The following SAMD5 variants were observed in gnomAD, a reference collection of about 807,000 sequenced individuals.
SAMD5 encodes sterile alpha motif domain-containing protein 5.
A neutral mutation model predicts 11.3 loss-of-function variants in SAMD5; 13 were observed. The observed-to-expected ratio is 1.15, with a 90% CI of 0.75 to 1.83. The LOEUF is 1.83. SAMD5 is among the 40% of genes most tolerant of loss of function. The pLI is 0.00. For missense variants in SAMD5, 255 were observed against 239.1 expected (o/e 1.07, Z -0.44); for synonymous variants, 129 against 111.3 (o/e 1.16, Z -1.00).
chr6:147,742,114 TA>T (rs111664672), downstream of SAMD5, among the ~76,000 whole-genome samples: 4,978 of 152,224 alleles, frequency 0.033, 106 homozygotes, highest in African/African-American at 0.053. Flanking sequence ...AATATCCTTT[TA>T]AAAAAATATG....
chr6:147,867,066 G>T, the SAMD5 span, among the ~76,000 whole-genome samples: 1 of 152,090 alleles, frequency 6.6e-6, no homozygotes, highest in African/African-American at 2.4e-5. Context: ...AAAATTTTCC[G>T]AATATTAATC....
the SAMD5 span, among the ~76,000 whole-genome samples, chr6:147,879,063 C>T: frequency 7.9e-5 from 12 of 152,262 alleles, no homozygotes; most frequent in East Asian, 1.5e-3. Context: ...ATCCTCACTG[C>T]GATACCTGAT....
chr6:147,641,079 T>C (rs1376893927), intron 1 of SAMD5, among the ~76,000 whole-genome samples: 1 of 152,196 alleles, frequency 6.6e-6, no homozygotes, highest in Non-Finnish European at 1.5e-5. Flanking sequence ...GGTTGGACAC[T>C]GATGGATAGT....
In SAMD5 at chr6:147,509,080, A is replaced by T. The variant is rs778281557; in HGVS notation, c.152A>T (p.His51Leu). The change falls in exon 1 of 2, where the codon CAC (histidine) becomes CTC (leucine). Residue 51 changes from histidine (H) to leucine (L), a missense_variant. Transcript: ENST00000367474. ...LDAIGVLAPA[H>L]RRRILEAVRR... ...GCCATCGGGGTGCTGGCGCCCGCGC[A>T]CCGCCGCCGTATCCTGGAGGCCGTG... 1 of 1,580,448 alleles carries T rather than the reference A, an allele frequency of 6.3e-7. No individual in the cohort carries two copies. The highest frequency in any genetic ancestry group is 8.6e-7 in the Non-Finnish European group (1 of 1,166,446).
chr6:147,950,259 A>G, the SAMD5 span, among the ~76,000 whole-genome samples: 46 of 152,282 alleles, frequency 3.0e-4, no homozygotes, highest in South Asian at 6.2e-4. Flanking sequence ...ATCTCTTCTC[A>G]TTTAAACCAT....
the SAMD5 span, among the ~76,000 whole-genome samples, chr6:147,826,434 C>T: frequency 4.3e-3 from 652 of 152,292 alleles, 1 homozygote; most frequent in Non-Finnish European, 7.0e-3. Context: ...TGGCCAAGCT[C>T]AGCAGGCTCT....
At chr6:147,523,671 A>G (rs995033191) in intron 1 of SAMD5, among the ~76,000 whole-genome samples, 2 of 152,236 alleles carry the variant, frequency 1.3e-5, no homozygotes, top group Non-Finnish European at 2.9e-5. Flanking sequence ...CTTTATGAAG[A>G]GAAAAGATTT....
At chr6:147,880,818 T>C in the SAMD5 span, among the ~76,000 whole-genome samples, 10 of 152,144 alleles carry the variant, frequency 6.6e-5, no homozygotes, top group African/African-American at 1.9e-4. Flanking sequence ...AATTCTAAGA[T>C]ACAAATCAAA....
chr6:147,782,615 T>G, the SAMD5 span, among the ~76,000 whole-genome samples: 7 of 152,232 alleles, frequency 4.6e-5, no homozygotes, highest in African/African-American at 1.7e-4. Flanking sequence ...AATAGGGTAG[T>G]ATCAGCACTG....
intron 1 of SAMD5, among the ~76,000 whole-genome samples, chr6:147,529,815 A>G (rs1788399852): frequency 6.6e-6 from 1 of 152,212 alleles, no homozygotes. Context: ...ACTTACAAAT[A>G]TTTTGTACTA....
At chr6:147,884,357 A>G in the SAMD5 span, among the ~76,000 whole-genome samples, 1 of 152,206 alleles carries the variant, frequency 6.6e-6, no homozygotes, top group South Asian at 2.1e-4. Context: ...GAGCTAAGGC[A>G]GCCCCAGGTT....
chr6:147,723,430 T>A (rs1278344849), intron 1 of SAMD5, among the ~76,000 whole-genome samples: 2 of 152,162 alleles, frequency 1.3e-5, no homozygotes, highest in African/African-American at 4.8e-5. Flanking sequence ...TGCCTACCCT[T>A]CCCCTAGCAG....
the SAMD5 span, among the ~76,000 whole-genome samples, chr6:147,919,955 T>A: frequency 1.3e-5 from 2 of 152,220 alleles, no homozygotes; most frequent in Non-Finnish European, 2.9e-5. Flanking sequence ...ACATGGTTTT[T>A]ACTAAATCCC....
chr6:147,799,581 C>T, the SAMD5 span, among the ~76,000 whole-genome samples: 3 of 151,606 alleles, frequency 2.0e-5, no homozygotes, highest in African/African-American at 4.9e-5. Flanking sequence ...ATCTTTGTGG[C>T]GTTCTCTGTA....
intron 1 of SAMD5, among the ~76,000 whole-genome samples, chr6:147,517,875 T>G (rs1788196092): frequency 6.7e-6 from 1 of 149,288 alleles, no homozygotes; most frequent in Non-Finnish European, 1.5e-5. Flanking sequence ...AATGAGGTGT[T>G]TTTTTTTTTT....
the SAMD5 span, among the ~76,000 whole-genome samples, chr6:147,940,622 C>T: frequency 2.0e-5 from 3 of 152,170 alleles, no homozygotes; most frequent in African/African-American, 7.2e-5. Context: ...ACCACAAAAA[C>T]TGTATCTGCT....
rs375991566 is a variant in SAMD5 at position 147,545,562 on chromosome 6, G to T, written c.460-18832G>T. Among the ~76,000 whole-genome samples the T allele has an allele frequency of 1.0e-3, 155 of 152,222 alleles. 7 individuals carry two copies. The South Asian group carries it at 0.03, about 30-fold the overall frequency. On this transcript the variant is annotated intron_variant, in intron 1 of 1. Transcript: ENST00000367474. ...AGAGGGAGGCTTTTTGCCTGATTTG[G>T]GGGCAGGGGCTGTGGGGGATGGAAA...
chr6:147,703,896 T>C (rs1323063365), intron 1 of SAMD5, among the ~76,000 whole-genome samples: 2 of 152,050 alleles, frequency 1.3e-5, no homozygotes, highest in African/African-American at 4.8e-5. Flanking sequence ...TTTCTTTTAT[T>C]ATTTATTTAT....
intron 1 of SAMD5, among the ~76,000 whole-genome samples, chr6:147,511,335 T>G (rs757167526): frequency 5.9e-5 from 9 of 152,222 alleles, no homozygotes; most frequent in Non-Finnish European, 8.8e-5. Flanking sequence ...GCACATAGGC[T>G]TTGAACTCTG....
Sources: gnomAD v4.1 joint callset for allele counts (sites outside exome capture counted in the v4.1 genomes callset) on GRCh38, gnomAD v4.1.1 for gene constraint, MANE v1.5 for transcripts, NCBI Gene and HGNC (gene_info 2026-07-23, HGNC 2026-07-21) for gene names.